Variants in CNTN6 observed in about 807,000 individuals in gnomAD.
CNTN6 encodes the protein contactin-6.
Under a neutral mutation model 122.8 loss-of-function variants are expected in CNTN6, and 137 were observed. The ratio of observed to expected loss-of-function variants is 1.12; its 90% CI spans 0.97 to 1.29. The LOEUF (loss-of-function observed/expected upper bound fraction) is 1.29, where lower values mean the gene tolerates loss of function less well. Ranked by LOEUF, CNTN6 falls within the 50% of genes most tolerant of loss-of-function variation. The pLI, the probability that CNTN6 is intolerant of heterozygous loss-of-function variation, is 0.00. For missense variants in CNTN6, 1,634 were observed against 1,223.4 expected, an observed-to-expected ratio of 1.34 and a Z score of -5.01; for synonymous variants, 570 against 426.0, an observed-to-expected ratio of 1.34 and a Z score of -4.16.
At chr3:1,359,773 A>G (rs1371884590) in intron 12 of CNTN6, among the ~76,000 whole-genome samples, 1 of 152,070 alleles carries the variant, frequency 6.6e-6, no homozygotes, top group East Asian at 1.9e-4. Flanking sequence ...GGCTTGCTAC[A>G]CCTGGAGAAA....
At chr3:1,367,513 C>G (rs999332385) in intron 12 of CNTN6, among the ~76,000 whole-genome samples, 1 of 151,756 alleles carries the variant, frequency 6.6e-6, no homozygotes, top group Non-Finnish European at 1.5e-5. Flanking sequence ...TTTTACCTCT[C>G]AATTTGTGTT....
intron 1 of CNTN6, among the ~76,000 whole-genome samples, chr3:1,129,827 A>T (rs1188561390): frequency 1.3e-5 from 2 of 151,960 alleles, no homozygotes; most frequent in African/African-American, 4.8e-5. Flanking sequence ...TATTGATTTC[A>T]CGTCTCAAGT....
intron 20 of CNTN6, among the ~76,000 whole-genome samples, chr3:1,398,599 C>A (rs890726177): frequency 6.6e-6 from 1 of 152,122 alleles, no homozygotes; most frequent in African/African-American, 2.4e-5. Flanking sequence ...CAGTGGAGAA[C>A]TGCTACTCTT....
intron 4 of CNTN6, among the ~76,000 whole-genome samples, chr3:1,247,124 T>C (rs2094593300): frequency 6.6e-6 from 1 of 152,196 alleles, no homozygotes; most frequent in South Asian, 2.1e-4. Flanking sequence ...TCTTCTATAG[T>C]GTATTTTGTC....
intron 1 of CNTN6, among the ~76,000 whole-genome samples, chr3:1,102,626 G>A (rs1484252238): frequency 4.0e-5 from 6 of 150,218 alleles, no homozygotes; most frequent in East Asian, 3.9e-4. Flanking sequence ...TACTCGGGAG[G>A]CTGAGGCAGG....
intron 4 of CNTN6, among the ~76,000 whole-genome samples, chr3:1,236,989 G>C (rs1279317978): frequency 6.6e-6 from 1 of 151,992 alleles, no homozygotes; most frequent in Non-Finnish European, 1.5e-5. Flanking sequence ...GCTGAGGTAG[G>C]AGAATGGCGT....
At chr3:1,123,411 A>T (rs1040286864) in intron 1 of CNTN6, among the ~76,000 whole-genome samples, 1 of 151,418 alleles carries the variant, frequency 6.6e-6, no homozygotes, top group African/African-American at 2.4e-5. Flanking sequence ...GAATGCTATT[A>T]TACGTTGATG....
At chr3:1,276,731 G>T (rs1003633365) in intron 4 of CNTN6, among the ~76,000 whole-genome samples, 1 of 152,026 alleles carries the variant, frequency 6.6e-6, no homozygotes, top group Non-Finnish European at 1.5e-5. Flanking sequence ...CTTTTACAGG[G>T]TATCTTAGGG....
At chr3:1,269,368 C>T (rs886251519) in intron 4 of CNTN6, among the ~76,000 whole-genome samples, 8 of 152,180 alleles carry the variant, frequency 5.3e-5, no homozygotes, top group African/African-American at 1.7e-4. Context: ...TTGCATGCTA[C>T]CTACATCACC....
chr3:1,343,593 G>A (rs778206326), intron 11 of CNTN6, among the ~76,000 whole-genome samples: 1 of 152,074 alleles, frequency 6.6e-6, no homozygotes, highest in Non-Finnish European at 1.5e-5. Context: ...AACAGCAAAT[G>A]CAATCAGAAA....
intron 11 of CNTN6, among the ~76,000 whole-genome samples, chr3:1,345,579 T>C (rs551348853): frequency 3.3e-5 from 5 of 152,298 alleles, no homozygotes; most frequent in African/African-American, 1.2e-4. Flanking sequence ...TAAATGACAG[T>C]GACATTAGCA....
chr3:1,368,319 A>G (rs966268972), intron 12 of CNTN6, among the ~76,000 whole-genome samples: 32 of 152,198 alleles, frequency 2.1e-4, no homozygotes, highest in African/African-American at 7.7e-4. Context: ...TTTATATTTA[A>G]AATTAAATTC....
intron 5 of CNTN6, among the ~76,000 whole-genome samples, chr3:1,293,950 T>C (rs1293436714): frequency 1.3e-5 from 2 of 152,284 alleles, no homozygotes; most frequent in East Asian, 3.9e-4. Context: ...ACGAAAGAAA[T>C]TGACAGCACA....
intron 3 of CNTN6, among the ~76,000 whole-genome samples, chr3:1,227,291 A>AT (rs1217771879): frequency 6.6e-6 from 1 of 152,176 alleles, no homozygotes; most frequent in African/African-American, 2.4e-5. Flanking sequence ...AACATGATTA[A>AT]TTTTCCAAGT....
At chr3:1,384,101 AGATT>A (rs2126185257) in intron 19 of CNTN6, among the ~76,000 whole-genome samples, 1 of 152,354 alleles carries the variant, frequency 6.6e-6, no homozygotes, top group South Asian at 2.1e-4. Flanking sequence ...AAAGGCATAC[AGATT>A]CAGTAAGTAA....
Position 1,297,945 on chromosome 3 carries a change from G to A in CNTN6, c.715G>A (p.Ala239Thr). ...IEVRFPETIQ[A>T]AKDSSVKLEC... ...AGTGCGTTTTCCTGAAACTATACAAGCTGCAAAGGATTCATCTGTAAAACT... is the reference window on the plus strand; with the variant it reads ...AGTGCGTTTTCCTGAAACTATACAAACTGCAAAGGATTCATCTGTAAAACT... Residue 239 changes from alanine (A) to threonine (T), a missense_variant, in exon 7 of 23, where the codon GCT becomes ACT. Ala to Thr is a moderately conservative substitution (Grantham distance 58, BLOSUM62 0). Coordinates refer to ENST00000446702, the MANE Select transcript of CNTN6 (RefSeq NM_001289080.2). 1 of 1,612,824 alleles carries A rather than the reference G, an allele frequency of 6.2e-7. No homozygotes were observed.
intron 2 of CNTN6, among the ~76,000 whole-genome samples, chr3:1,149,566 C>G: frequency 6.6e-6 from 1 of 152,164 alleles, no homozygotes; most frequent in Non-Finnish European, 1.5e-5. Context: ...AATTTTACCA[C>G]TAGCAAAGCT....
intron 1 of CNTN6, among the ~76,000 whole-genome samples, chr3:1,122,363 G>A (rs148814933): frequency 8.1e-4 from 115 of 142,828 alleles, no homozygotes; most frequent in African/African-American, 3.3e-3. Context: ...AGGGAAGGAG[G>A]AAGGAAGGAA....
chr3:1,285,384 T>A (rs1694154769), intron 5 of CNTN6, among the ~76,000 whole-genome samples: 1 of 152,078 alleles, frequency 6.6e-6, no homozygotes. Flanking sequence ...TTTTAGGAGA[T>A]GTTAATGTTC....
Sources: allele counts gnomAD v4.1 joint callset (sites outside exome capture counted in the v4.1 genomes callset), GRCh38; gene constraint gnomAD v4.1.1; transcripts MANE v1.5; gene names NCBI Gene and HGNC (gene_info 2026-07-23, HGNC 2026-07-21).